The following PITPNC1 variants were observed in gnomAD, a reference collection of about 807,000 sequenced individuals.
PITPNC1 encodes phosphatidylinositol transfer protein cytoplasmic 1, also known as cytoplasmic phosphatidylinositol transfer protein 1.
PITPNC1 carries 18 observed loss-of-function variants against 44.7 expected under a neutral mutation model. That is an observed-to-expected ratio of 0.40 (90% CI 0.28 to 0.60). The LOEUF is 0.60. Among genes scored for constraint, PITPNC1 ranks in the 20% least tolerant of loss-of-function variants. The pLI is 0.39. For missense variants in PITPNC1, 290 were observed against 418.4 expected, an observed-to-expected ratio of 0.69 and a Z score of 2.68; for synonymous variants, 141 against 149.6, an observed-to-expected ratio of 0.94 and a Z score of 0.42.
chr17:67,415,802 G>A (rs1198681258), intron 1 of PITPNC1, among the ~76,000 whole-genome samples: 3 of 151,528 alleles, frequency 2.0e-5, no homozygotes, highest in Non-Finnish European at 1.5e-5. Flanking sequence ...CTCTTCTTTC[G>A]TCTAGATGAT....
At chr17:67,609,747 G>T (rs2041663238) in intron 5 of PITPNC1, among the ~76,000 whole-genome samples, 1 of 150,268 alleles carries the variant, frequency 6.7e-6, no homozygotes, top group African/African-American at 2.5e-5. Flanking sequence ...CCCTCACGGG[G>T]TCATTCACAG....
chr17:67,463,315 T>G (rs966399821), intron 1 of PITPNC1, among the ~76,000 whole-genome samples: 1 of 152,138 alleles, frequency 6.6e-6, no homozygotes, highest in African/African-American at 2.4e-5. Context: ...AGTTTTTTTT[T>G]AAACTTATGT....
At chr17:67,381,920 C>T (rs1024812685) in intron 1 of PITPNC1, among the ~76,000 whole-genome samples, 1 of 152,102 alleles carries the variant, frequency 6.6e-6, no homozygotes, top group Admixed American at 6.6e-5. Flanking sequence ...TGGTGGCGGG[C>T]GGTGGAGCAT....
intron 1 of PITPNC1, among the ~76,000 whole-genome samples, chr17:67,411,605 G>A (rs2038498392): frequency 6.6e-6 from 1 of 152,048 alleles, no homozygotes; most frequent in African/African-American, 2.4e-5. Context: ...GTCCTAGTAG[G>A]TCACCAGGCC....
intron 1 of PITPNC1, among the ~76,000 whole-genome samples, chr17:67,390,225 C>G (rs2038118115): frequency 6.6e-6 from 1 of 152,140 alleles, no homozygotes; most frequent in Non-Finnish European, 1.5e-5. Context: ...CAGATTTGGA[C>G]CAGAATGACT....
At chr17:67,491,839 G>C (rs1048256077) in intron 1 of PITPNC1, among the ~76,000 whole-genome samples, 1 of 151,888 alleles carries the variant, frequency 6.6e-6, no homozygotes, top group Non-Finnish European at 1.5e-5. Flanking sequence ...TCAAAACAAC[G>C]ACAAAACCAA....
At chr17:67,651,702 C>T (rs2042211475) in intron 6 of PITPNC1, among the ~76,000 whole-genome samples, 2 of 152,156 alleles carry the variant, frequency 1.3e-5, no homozygotes, top group African/African-American at 4.8e-5. Context: ...CCTACCCTCT[C>T]CCCTCACCCA....
chr17:67,466,074 C>T (rs1188509104), intron 1 of PITPNC1, among the ~76,000 whole-genome samples: 1 of 151,736 alleles, frequency 6.6e-6, no homozygotes, highest in Non-Finnish European at 1.5e-5. Context: ...CATCATAGTT[C>T]ACTGCAGCCT....
chr17:67,572,752 C>CA (rs565344192), intron 4 of PITPNC1, among the ~76,000 whole-genome samples: 7,071 of 99,534 alleles, frequency 0.071, 238 homozygotes, highest in African/African-American at 0.13. Flanking sequence ...GTACCATGGC[C>CA]AAAAAAAAAA....
chr17:67,577,623 TA>T (rs202160406), intron 4 of PITPNC1, among the ~76,000 whole-genome samples: 16 of 151,032 alleles, frequency 1.1e-4, no homozygotes, highest in East Asian at 9.6e-4. Context: ...AAAATAAATT[TA>T]AAAATTTTTT....
At chr17:67,528,856 C>G (rs368741240) in intron 1 of PITPNC1, among the ~76,000 whole-genome samples, 6 of 152,152 alleles carry the variant, frequency 3.9e-5, no homozygotes, top group African/African-American at 1.2e-4. Context: ...CTCCCTCCCC[C>G]AAACGAGAAA....
intron 6 of PITPNC1, among the ~76,000 whole-genome samples, chr17:67,663,103 C>G (rs2042371917): frequency 6.6e-6 from 1 of 152,156 alleles, no homozygotes; most frequent in Non-Finnish European, 1.5e-5. Flanking sequence ...TGTTGGCCAC[C>G]TGTATGTCTT....
chr17:67,649,088 A>G (rs2042181833), intron 6 of PITPNC1, among the ~76,000 whole-genome samples: 1 of 152,188 alleles, frequency 6.6e-6, no homozygotes, highest in East Asian at 1.9e-4. Context: ...TAAGAGTTCA[A>G]GGCTGCAGTG....
chr17:67,518,897 A>C (rs79804871), intron 1 of PITPNC1, among the ~76,000 whole-genome samples: 2 of 152,150 alleles, frequency 1.3e-5, no homozygotes, highest in Non-Finnish European at 2.9e-5. Context: ...GAGCTATTTC[A>C]CACCACTGCA....
At chr17:67,592,959 G>A (rs2041411914) in intron 5 of PITPNC1, among the ~76,000 whole-genome samples, 1 of 152,146 alleles carries the variant, frequency 6.6e-6, no homozygotes. Context: ...GATCACTTGA[G>A]CCTGGGAGGT....
At chr17:67,551,299 A>G (rs1194366116) in intron 2 of PITPNC1, among the ~76,000 whole-genome samples, 2 of 152,134 alleles carry the variant, frequency 1.3e-5, no homozygotes, top group Non-Finnish European at 1.5e-5. Context: ...CAGCTGTGTC[A>G]TTTTATTGGC....
intron 1 of PITPNC1, among the ~76,000 whole-genome samples, chr17:67,418,261 A>T (rs1248785212): frequency 6.6e-6 from 1 of 152,222 alleles, no homozygotes; most frequent in Non-Finnish European, 1.5e-5. Flanking sequence ...CCAAATTTCT[A>T]ACTTGTTCAA....
intron 1 of PITPNC1, among the ~76,000 whole-genome samples, chr17:67,472,668 G>A (rs1389041061): frequency 1.3e-4 from 19 of 150,904 alleles, no homozygotes; most frequent in African/African-American, 4.2e-4. Context: ...AAAAAAAAAG[G>A]TCTGTGCATA....
At chr17:67,683,552 C>T (rs1040047266) in intron 8 of PITPNC1, among the ~76,000 whole-genome samples, 5 of 152,138 alleles carry the variant, frequency 3.3e-5, no homozygotes, top group Admixed American at 3.3e-4. Context: ...TCCTTCACAG[C>T]AGGGACCATA....
Sources: allele counts gnomAD v4.1 joint callset (sites outside exome capture counted in the v4.1 genomes callset), GRCh38; gene constraint gnomAD v4.1.1; transcripts MANE v1.5; gene names NCBI Gene and HGNC (gene_info 2026-07-23, HGNC 2026-07-21).